The following GPHN variants were observed in gnomAD, a reference collection of about 807,000 sequenced individuals.
GPHN encodes gephyrin.
Under a neutral mutation model 95.5 loss-of-function variants are expected in GPHN, and 17 were observed. The observed-to-expected ratio is 0.18, with a 90% CI of 0.12 to 0.27. GPHN has a LOEUF of 0.27. Ranked by LOEUF, GPHN falls within the 10% of genes least tolerant of loss-of-function variation. The pLI is 1.00. For missense variants in GPHN, 660 were observed against 978.1 expected (o/e 0.67, Z 4.34); for synonymous variants, 320 against 322.5 (o/e 0.99, Z 0.08).
At chr14:66,884,486 A>G (rs1472586791) in intron 5 of GPHN, among the ~76,000 whole-genome samples, 1 of 152,130 alleles carries the variant, frequency 6.6e-6, no homozygotes. Context: ...GGTACTTTAC[A>G]AGGTTTAGCA....
At chr14:67,654,809 C>A in the GPHN span, among the ~76,000 whole-genome samples, 14 of 151,798 alleles carry the variant, frequency 9.2e-5, no homozygotes, top group African/African-American at 2.9e-4. Context: ...GCGGGCAGAT[C>A]ATGAGGTTAA....
At chr14:67,073,749 A>G (rs76625525) in intron 11 of GPHN, among the ~76,000 whole-genome samples, 2 of 152,254 alleles carry the variant, frequency 1.3e-5, no homozygotes, top group Non-Finnish European at 2.9e-5. Context: ...AGCTTATTTT[A>G]TTTTATGACA....
At chr14:66,518,767 T>G (rs1265233371) in intron 1 of GPHN, among the ~76,000 whole-genome samples, 1 of 152,082 alleles carries the variant, frequency 6.6e-6, no homozygotes, top group African/African-American at 2.4e-5. Flanking sequence ...CACTATTATG[T>G]GGAAACTAAA....
intron 21 of GPHN, among the ~76,000 whole-genome samples, chr14:67,169,409 A>G (rs545595517): frequency 5.9e-5 from 9 of 152,336 alleles, no homozygotes; most frequent in African/African-American, 2.2e-4. Context: ...AGGGACAGCA[A>G]TTAACCTGCT....
chr14:66,684,210 A>T (rs2067187239), intron 2 of GPHN, among the ~76,000 whole-genome samples: 1 of 152,132 alleles, frequency 6.6e-6, no homozygotes, highest in Admixed American at 6.5e-5. Context: ...GGTAAATAAG[A>T]ATTAAGAATT....
intron 3 of GPHN, among the ~76,000 whole-genome samples, chr14:66,799,380 T>G (rs2060266835): frequency 6.6e-6 from 1 of 151,952 alleles, no homozygotes; most frequent in Non-Finnish European, 1.5e-5. Context: ...ATTTTCTTCC[T>G]GGAAGATCTT....
the GPHN span, chr14:67,562,264 G>A: frequency 6.2e-7 from 1 of 1,613,404 alleles, no homozygotes; most frequent in Non-Finnish European, 8.5e-7. Context: ...CCCAGGGTCT[G>A]AAGGCAGCTG....
chr14:67,656,454 C>T, the GPHN span: 3 of 1,613,628 alleles, frequency 1.9e-6, no homozygotes, highest in Non-Finnish European at 2.5e-6. Context: ...CGTTGTTCCC[C>T]CAGCTCTTCT....
At chr14:66,813,473 C>T (rs987373682) in intron 3 of GPHN, among the ~76,000 whole-genome samples, 5 of 152,198 alleles carry the variant, frequency 3.3e-5, no homozygotes. Flanking sequence ...TGAACCACAA[C>T]AGCTCCAGGA....
chr14:67,088,839 T>C, intron 11 of GPHN, 144 bp from the exon 12 acceptor site: 2 of 679,834 alleles, frequency 2.9e-6, no homozygotes, highest in Non-Finnish European at 2.7e-6. Context: ...TTCTATCTCC[T>C]GTTTCTTGGG....
chr14:66,971,394 G>T (rs1014023841), intron 9 of GPHN, among the ~76,000 whole-genome samples: 3 of 152,114 alleles, frequency 2.0e-5, no homozygotes, highest in African/African-American at 4.8e-5. Context: ...GAAAAAATAA[G>T]TATATTTTCC....
the GPHN span, among the ~76,000 whole-genome samples, chr14:67,236,191 C>T: frequency 1.3e-5 from 2 of 152,208 alleles, no homozygotes; most frequent in South Asian, 2.1e-4. Context: ...ACTTATTCCT[C>T]CTAACTGAAA....
the GPHN span, among the ~76,000 whole-genome samples, chr14:67,403,816 C>G: frequency 6.6e-6 from 1 of 152,260 alleles, no homozygotes; most frequent in South Asian, 2.1e-4. Flanking sequence ...CTTTGGGAGG[C>G]CAAGGAGAGA....
chr14:66,705,288 G>A (rs745315783), intron 2 of GPHN, among the ~76,000 whole-genome samples: 40 of 152,242 alleles, frequency 2.6e-4, no homozygotes, highest in South Asian at 8.3e-4. Context: ...CAGTTGAAAA[G>A]GAGGGACTCC....
chr14:67,268,467 A>G, the GPHN span, among the ~76,000 whole-genome samples: 1 of 152,218 alleles, frequency 6.6e-6, no homozygotes, highest in African/African-American at 2.4e-5. Context: ...TGGCTACTCC[A>G]TAGGCAGAAC....
chr14:67,419,450 G>A, the GPHN span, among the ~76,000 whole-genome samples: 2 of 152,194 alleles, frequency 1.3e-5, no homozygotes, highest in South Asian at 4.1e-4. Context: ...CTGCACAAAA[G>A]GAACCTGGCT....
At chr14:67,602,223 T>A in the GPHN span, among the ~76,000 whole-genome samples, 1 of 152,188 alleles carries the variant, frequency 6.6e-6, no homozygotes, top group African/African-American at 2.4e-5. Flanking sequence ...AGGCATGTCT[T>A]ACATGGCAGC....
chr14:67,390,164 AT>A, the GPHN span, among the ~76,000 whole-genome samples: 99 of 152,064 alleles, frequency 6.5e-4, 4 homozygotes, highest in South Asian at 0.017. Context: ...CATAAAAATG[AT>A]TTTTTTTTAA....
the GPHN span, among the ~76,000 whole-genome samples, chr14:67,686,661 T>C: frequency 1.5e-5 from 2 of 134,436 alleles, no homozygotes; most frequent in South Asian, 4.7e-4. Context: ...AAAAAAAAAG[T>C]GCCTGATGCA....
Sources: gnomAD v4.1 joint callset for allele counts (sites outside exome capture counted in the v4.1 genomes callset) on GRCh38, gnomAD v4.1.1 for gene constraint, MANE v1.5 for transcripts, NCBI Gene and HGNC (gene_info 2026-07-23, HGNC 2026-07-21) for gene names.